PLEKHG5: variants seen among roughly 807,000 people sequenced by gnomAD.
The protein encoded by PLEKHG5 is pleckstrin homology domain-containing family G member 5.
Under a neutral mutation model 103.8 loss-of-function variants are expected in PLEKHG5, and 52 were observed. The observed-to-expected ratio is 0.50, with a 90% CI of 0.40 to 0.63. The LOEUF (loss-of-function observed/expected upper bound fraction) is 0.63. Ranked by LOEUF, PLEKHG5 falls within the 30% of genes least tolerant of loss-of-function variation. PLEKHG5 has a pLI of 0.00. For missense variants in PLEKHG5, 1,205 were observed against 1,347.6 expected (o/e 0.89, Z 1.66); for synonymous variants, 592 against 575.5 (o/e 1.03, Z -0.41).
At chr1:6,515,644 A>G (rs1169863798) in intron 1 of PLEKHG5, among the ~76,000 whole-genome samples, 1 of 152,094 alleles carries the variant, frequency 6.6e-6, no homozygotes, top group Non-Finnish European at 1.5e-5. Context: ...TGGACAACAG[A>G]GCAAGACTCT....
rs145686563 is a variant in PLEKHG5, at chr1:6,472,586, C to A, written c.1021G>T (p.Val341Leu). ...GCCTCCGTGTGCAGCAGCTCCCACACCGCCTCCTGCTGGTGGCACTGCCGC... is the reference window on the plus strand; with the variant it reads ...GCCTCCGTGTGCAGCAGCTCCCACAACGCCTCCTGCTGGTGGCACTGCCGC... ...TRRQCHQQEA[V>L]WELLHTEASY... Residue 341 changes from valine (V) to leucine (L), a missense_variant, in exon 10 of 21, where the codon GTG becomes TTG. Transcript: ENST00000377728. 6.2e-7 allele frequency: 1 copy of A among 1,613,350 alleles called. No homozygotes were observed. The highest frequency in any genetic ancestry group is 8.5e-7 in the Non-Finnish European group (1 of 1,179,806).
chr1:6,482,298 G>C (rs1438705624), intron 1 of PLEKHG5, among the ~76,000 whole-genome samples: 1 of 152,196 alleles, frequency 6.6e-6, no homozygotes, highest in Admixed American at 6.5e-5. Flanking sequence ...TACTCTGTCT[G>C]ATTCAGCGCC....
chr1:6,468,515 T>G lies in PLEKHG5; in HGVS notation c.2321A>C (p.Glu774Ala). Residue 774 changes from glutamate (E) to alanine (A), a missense_variant, in exon 20 of 21, where the codon GAG becomes GCG. By Grantham distance (107) the Glu-to-Ala change is moderately radical. Coordinates refer to ENST00000377728, the MANE Select transcript of PLEKHG5 (RefSeq NM_020631.6). ...GGAGCTGAAAGGACCGCTGTCGAAC[T>G]CGGGGGAGGACAGCGTGTCCCCAGG... The part of the protein sequence containing the change: ...VEPGDTLSSP[E>A]FDSGPFSSQS... 6.2e-7 allele frequency: 1 copy of G among 1,612,726 alleles called. No individual in the cohort carries two copies. Among genetic ancestry groups the G allele is most frequent in the Non-Finnish European group, 8.5e-7 (1 of 1,179,834 alleles).
At chr1:6,511,761 T>C (rs1382791600) in intron 1 of PLEKHG5, among the ~76,000 whole-genome samples, 1 of 152,220 alleles carries the variant, frequency 6.6e-6, no homozygotes, top group Admixed American at 6.5e-5. Flanking sequence ...GCTGCCTGAC[T>C]GCAGCCCCCC....
rs770771881 is a variant in PLEKHG5, at chr1:6,469,694, G to T, written c.1801-18C>A. On this transcript the variant is annotated intron_variant, in intron 16 of 20. Coordinates refer to ENST00000377728, the MANE Select transcript of PLEKHG5 (RefSeq NM_020631.6). ...ACATCCATCTGCAGTGGCAGGAGGG[G>T]GGGTGGCCAGAGAGGCCAGCAGGGT... The T allele has an allele frequency of 1.2e-6, 2 of 1,610,486 alleles. No homozygotes were observed. Among genetic ancestry groups the T allele is most frequent in the Admixed American group, 3.3e-5 (2 of 60,012 alleles).
intron 1 of PLEKHG5, among the ~76,000 whole-genome samples, chr1:6,515,924 CA>C (rs1425618813): frequency 1.3e-5 from 2 of 152,156 alleles, no homozygotes; most frequent in Non-Finnish European, 2.9e-5. Context: ...CCTCATATCT[CA>C]GGGACATGGA....
upstream of PLEKHG5, chr1:6,497,381 G>A (rs1645243731): frequency 2.8e-6 from 3 of 1,085,454 alleles, no homozygotes; most frequent in South Asian, 1.4e-4. This position sits in a 1 kb window ranked among gnomAD's most constrained non-coding sequence, Gnocchi z 6.1. Context: ...CGGGGACGCC[G>A]GGGACTGGGA....
chr1:6,519,842 G>A (rs572132205), exon 1 of PLEKHG5: 3 of 438,530 alleles, frequency 6.8e-6, no homozygotes, highest in East Asian at 9.3e-5. Context: ...TTCCATTCCT[G>A]AGTGCCCATT....
rs373154779 is a variant in PLEKHG5, at chr1:6,469,563, G to A, written c.1914C>T (p.Cys638=). The A allele has an allele frequency of 5.0e-6, 8 of 1,613,878 alleles. No individual in the cohort carries two copies. Among genetic ancestry groups the A allele is most frequent in the Non-Finnish European group, 6.8e-6 (8 of 1,180,046 alleles). The change falls in exon 17 of 21, where the codon TGC becomes TGT. Residue 638 remains cysteine (C), a synonymous_variant. Coordinates refer to ENST00000377728, the MANE Select transcript of PLEKHG5 (RefSeq NM_020631.6). The part of the protein sequence containing the change: ...RPPLLVDKIV[C]RELRDPGSFL... ...CCTTACCAGGGTCCCGTAGCTCCCGGCACACAATCTTGTCCACGAGCAGGG... is the reference window on the plus strand; with the variant it reads ...CCTTACCAGGGTCCCGTAGCTCCCGACACACAATCTTGTCCACGAGCAGGG...
At chr1:6,502,648 G>T (rs908629995) in intron 1 of PLEKHG5, among the ~76,000 whole-genome samples, 2 of 152,228 alleles carry the variant, frequency 1.3e-5, no homozygotes, top group African/African-American at 2.4e-5. Flanking sequence ...AGTGACCAAG[G>T]GCGGAACAGG....
chr1:6,508,287 C>T (rs1325264788), intron 1 of PLEKHG5, among the ~76,000 whole-genome samples: 1 of 152,206 alleles, frequency 6.6e-6, no homozygotes, highest in Non-Finnish European at 1.5e-5. Context: ...CACCCTCCAT[C>T]CTGACCACAC....
chr1:6,507,685 C>T (rs779242753), intron 1 of PLEKHG5, among the ~76,000 whole-genome samples: 5 of 152,214 alleles, frequency 3.3e-5, no homozygotes, highest in Non-Finnish European at 7.3e-5. Flanking sequence ...GCCATCCAGG[C>T]AGCCTGCACG....
At chr1:6,494,030 C>T (rs1645187093), upstream of PLEKHG5, among the ~76,000 whole-genome samples, 1 of 151,794 alleles carries the variant, frequency 6.6e-6, no homozygotes, top group African/African-American at 2.4e-5. Flanking sequence ...CGGCTCACTG[C>T]AGCCTCAATG....
At chr1:6,502,647 G>C (rs1645308225) in intron 1 of PLEKHG5, among the ~76,000 whole-genome samples, 1 of 152,222 alleles carries the variant, frequency 6.6e-6, no homozygotes, top group Admixed American at 6.5e-5. Flanking sequence ...GAGTGACCAA[G>C]GGCGGAACAG....
Position 6,473,279 on chromosome 1 carries a change from G to A in PLEKHG5, c.767C>T (p.Ser256Phe), listed in dbSNP as rs376782083. Residue 256 changes from serine (S) to phenylalanine (F), a missense_variant, in exon 8 of 21, where the codon TCC becomes TTC. Ser to Phe is a radical substitution (Grantham distance 155). Coordinates refer to ENST00000377728, the MANE Select transcript of PLEKHG5 (RefSeq NM_020631.6). ...AASRFSGFFS[S>F]GPSTSAFGRE... ...GCCAAAGGCGCTGGTGCTGGGGCCGGAGCTGAAAAAGCCGCTGAAGCGACT... is the reference window on the plus strand; with the variant it reads ...GCCAAAGGCGCTGGTGCTGGGGCCGAAGCTGAAAAAGCCGCTGAAGCGACT... The A allele has an allele frequency of 5.0e-5, 81 of 1,605,186 alleles. No homozygotes were observed. The highest frequency in any genetic ancestry group is 6.5e-5 in the Non-Finnish European group (76 of 1,176,416).
chr1:6,496,229 C>G (rs926137182), upstream of PLEKHG5, among the ~76,000 whole-genome samples: 3 of 152,242 alleles, frequency 2.0e-5, no homozygotes, highest in Non-Finnish European at 4.4e-5. Context: ...AGAATGGCTG[C>G]TAGGACCACA....
intron 12 of PLEKHG5, 142 bp from the exon 13 acceptor site, chr1:6,471,242 T>C: frequency 1.2e-6 from 1 of 810,934 alleles, no homozygotes; most frequent in Non-Finnish European, 2.1e-6. Context: ...CCCTGTTTCC[T>C]GATGAGGAAA....
chr1:6,471,436 G>T, intron 12 of PLEKHG5, 52 bp downstream of exon 12: 1 of 1,572,060 alleles, frequency 6.4e-7, no homozygotes, highest in Non-Finnish European at 8.6e-7. Flanking sequence ...GAGGCTTTTC[G>T]GCGCCCCAGC....
At position 6,490,906 on chromosome 1, in the gene PLEKHG5, G is replaced by C. The variant is rs1023715105; in HGVS notation, c.-88+731C>G. On this transcript the variant is annotated intron_variant, in intron 1 of 20. Coordinates refer to ENST00000377728, the MANE Select transcript of PLEKHG5 (RefSeq NM_020631.6). This position sits in a 1 kb window ranked among gnomAD's most constrained non-coding sequence, Gnocchi z 8.0. ...CCCGGAAGGGGGCTAGGGGGGACCA[G>C]GGCCCGCGACAGGAAGCCTCCGCGC... 6.6e-6 allele frequency among the ~76,000 whole-genome samples: 1 copy of C among 152,184 alleles called. No homozygotes were observed. Among genetic ancestry groups the C allele is most frequent in the Non-Finnish European group, 1.5e-5 (1 of 68,028 alleles).
Sources: allele counts gnomAD v4.1 joint callset (sites outside exome capture counted in the v4.1 genomes callset), GRCh38; gene constraint gnomAD v4.1.1; non-coding constraint Gnocchi (gnomAD v3.1); transcripts MANE v1.5; gene names NCBI Gene and HGNC (gene_info 2026-07-23, HGNC 2026-07-21).